ESR1: variants seen among roughly 807,000 people sequenced by gnomAD.
The protein encoded by ESR1 is estrogen receptor.
Under a neutral mutation model 52.7 loss-of-function variants are expected in ESR1, and 12 were observed. The observed-to-expected ratio is 0.23, with a 90% CI of 0.15 to 0.37. The LOEUF (loss-of-function observed/expected upper bound fraction) is 0.37, where lower values mean the gene tolerates loss of function less well. Ranked by LOEUF, ESR1 falls within the 10% of genes least tolerant of loss-of-function variation. ESR1 has a pLI of 1.00. For synonymous variants in ESR1, 305 were observed against 316.8 expected, an observed-to-expected ratio of 0.96 and a Z score of 0.39; for missense variants, 584 against 779.7, an observed-to-expected ratio of 0.75 and a Z score of 2.99.
chr6:152,067,796 C>T (rs773854550), intron 6 of ESR1, among the ~76,000 whole-genome samples: 1 of 152,146 alleles, frequency 6.6e-6, no homozygotes, highest in Non-Finnish European at 1.5e-5. Context: ...CATTGCACTC[C>T]AGCCTGGGTG....
intron 2 of ESR1, among the ~76,000 whole-genome samples, chr6:151,753,932 C>T (rs768093334): frequency 2.2e-4 from 33 of 152,204 alleles, no homozygotes; most frequent in Middle Eastern, 3.4e-3. Context: ...CCTGCTACTG[C>T]GGGAAGAAAT....
chr6:151,934,851 A>G lies in ESR1; in HGVS notation c.761-9322A>G, dbSNP rs537636836. ...CCAGCAATTACAGAATCATGATCAT[A>G]TCCATAATGGATCAGTAGAGGCTCT... On this transcript the variant is annotated intron_variant, in intron 3 of 7. Transcript: ENST00000206249. Among the ~76,000 whole-genome samples the G allele has an allele frequency of 2.0e-5, 3 of 152,236 alleles. No individual in the cohort carries two copies. The South Asian group carries it at 6.2e-4, about 31-fold the overall frequency.
At position 152,098,247 on chromosome 6, in the gene ESR1, T is replaced by G. The variant is rs2050785023; in HGVS notation, c.1554-485T>G. On this transcript the variant is annotated intron_variant, in intron 7 of 7. Coordinates refer to ENST00000206249, the MANE Select transcript of ESR1 (RefSeq NM_000125.4). The surrounding 1 kb of genome is among the most constrained non-coding windows in gnomAD (Gnocchi z 5.1). ...ATGGAAAGGCATTTAGATCGTATTC[T>G]GAGTTAAATGGGAAGTGACGTGAGA... Among the ~76,000 whole-genome samples the G allele has an allele frequency of 6.6e-6, 1 of 152,166 alleles. No individual in the cohort carries two copies. Among genetic ancestry groups the G allele is most frequent in the African/African-American group, 2.4e-5 (1 of 41,432 alleles).
chr6:151,735,343 T>C (rs1782565394), intron 2 of ESR1, among the ~76,000 whole-genome samples: 1 of 152,212 alleles, frequency 6.6e-6, no homozygotes, highest in Non-Finnish European at 1.5e-5. Context: ...TCCTGATCAC[T>C]AGTCTCCCAC....
At chr6:152,068,902 T>C (rs2128981445) in intron 6 of ESR1, among the ~76,000 whole-genome samples, 1 of 139,740 alleles carries the variant, frequency 7.2e-6, no homozygotes, top group South Asian at 2.2e-4. Flanking sequence ...ATGGACTGGG[T>C]TGGGTAGGAG....
rs2128157202 is a variant in ESR1 at position 151,808,350 on chromosome 6, G to A, written c.438G>A (p.Pro146=). 3.5e-6 allele frequency: 5 copies of A among 1,442,328 alleles called. No homozygotes were observed. The highest frequency in any genetic ancestry group is 3.7e-6 in the Non-Finnish European group (4 of 1,093,460). 89.3% of individuals were successfully genotyped at this position (1,442,328 alleles called of 1,614,324 possible). Residue 146 remains proline, a synonymous_variant, in exon 1 of 8, where the codon CCG becomes CCA. Coordinates refer to ENST00000206249, the MANE Select transcript of ESR1 (RefSeq NM_000125.4). The stretch of plus-strand genomic sequence containing the variant: ...GCTACACGGTGCGCGAGGCCGGCCC[G>A]CCGGCATTCTACAGGTACCCGCGCC... ...PSGYTVREAG[P]PAFYRPNSDN...
Position 151,995,653 on chromosome 6 carries a change from T to C in ESR1, c.1097-16003T>C, listed in dbSNP as rs185889166. 6.6e-5 allele frequency among the ~76,000 whole-genome samples: 10 copies of C among 152,344 alleles called. No individual in the cohort carries two copies. In the East Asian group the frequency reaches 1.7e-3, roughly 26 times the overall value. ...AAGATACAAATCATTTGAATTATCA[T>C]TATTATTGTTACTTGATTTTATTTA... is the stretch of plus-strand genomic sequence containing the variant. On this transcript the variant is annotated intron_variant, in intron 4 of 7. Coordinates refer to ENST00000206249, the MANE Select transcript of ESR1 (RefSeq NM_000125.4).
chr6:151,870,058 A>G (rs1790683078), intron 2 of ESR1, among the ~76,000 whole-genome samples: 1 of 152,200 alleles, frequency 6.6e-6, no homozygotes, highest in South Asian at 2.1e-4. Flanking sequence ...TCTTTGGCTC[A>G]TTGCATTGGC....
intron 4 of ESR1, among the ~76,000 whole-genome samples, chr6:152,008,379 C>G (rs1209106814): frequency 6.6e-6 from 1 of 152,062 alleles, no homozygotes; most frequent in Non-Finnish European, 1.5e-5. Flanking sequence ...ACGGAAGGAT[C>G]GAGCAATCCG....
chr6:151,749,685 C>T (rs2128074650), intron 2 of ESR1, among the ~76,000 whole-genome samples: 1 of 152,062 alleles, frequency 6.6e-6, no homozygotes, highest in East Asian at 1.9e-4. Context: ...CTGGGTGACC[C>T]TGTGCCTCCA....
At chr6:152,057,738 G>C (rs959935662) in intron 5 of ESR1, among the ~76,000 whole-genome samples, 13 of 150,172 alleles carry the variant, frequency 8.7e-5, no homozygotes, top group African/African-American at 3.2e-4. Context: ...CGTGAGAACT[G>C]AATTGAGAGT....
intron 1 of ESR1, among the ~76,000 whole-genome samples, chr6:151,701,167 T>C (rs1779747856): frequency 6.6e-6 from 1 of 152,086 alleles, no homozygotes; most frequent in Non-Finnish European, 1.5e-5. Context: ...CAGCAGGTTT[T>C]GTTCTGCTGC....
At chr6:151,919,473 A>G (rs1023287013) in intron 3 of ESR1, among the ~76,000 whole-genome samples, 3 of 152,194 alleles carry the variant, frequency 2.0e-5, no homozygotes, top group African/African-American at 7.2e-5. Context: ...AGAACTTTTC[A>G]GAGGTGGTAG....
intron 2 of ESR1, among the ~76,000 whole-genome samples, chr6:151,756,761 G>A (rs1230558195): frequency 1.3e-5 from 2 of 152,082 alleles, no homozygotes; most frequent in East Asian, 1.9e-4. Context: ...AGGCCGAGGC[G>A]GGCAGATCAC....
At chr6:152,096,579 T>C in intron 7 of ESR1, 1 of 451,614 alleles carries the variant, frequency 2.2e-6, no homozygotes, top group Non-Finnish European at 4.5e-6. Flanking sequence ...GATGAACAAA[T>C]GGCTCATGGC....
chr6:151,735,603 G>A (rs9479102), intron 2 of ESR1, among the ~76,000 whole-genome samples: 11,349 of 151,916 alleles, frequency 0.075, 1,436 homozygotes, highest in African/African-American at 0.26. Context: ...GGGTACAAGT[G>A]GCTTTTGGTT....
intron 1 of ESR1, among the ~76,000 whole-genome samples, chr6:151,834,607 G>A (rs1782990074): frequency 6.6e-6 from 1 of 152,110 alleles, no homozygotes; most frequent in Non-Finnish European, 1.5e-5. Context: ...TAGATGACGG[G>A]CTGATGGGTG....
rs1184126034 is a variant in ESR1 at position 151,673,854 on chromosome 6, G to GT, written n.73+17093dup. 5.3e-5 allele frequency among the ~76,000 whole-genome samples: 8 copies of GT among 151,958 alleles called. 1 individual carries two copies. Among genetic ancestry groups the GT allele is most frequent in the South Asian group, 4.1e-4 (2 of 4,820 alleles). ...CCATGATTATGGCATTGTACTCCAG[G>GT]TTGGAGTACAAACTTTCAGCTTGTC... On this transcript the variant is annotated intron_variant and non_coding_transcript_variant, in intron 1 of 2. Transcript: ENST00000473497.
chr6:152,095,427 G>A (rs1445466062), intron 7 of ESR1, among the ~76,000 whole-genome samples: 1 of 152,112 alleles, frequency 6.6e-6, no homozygotes, highest in Non-Finnish European at 1.5e-5. Flanking sequence ...CACACATCTG[G>A]GAGGCAGCTG....
Sources: allele counts gnomAD v4.1 joint callset (sites outside exome capture counted in the v4.1 genomes callset), GRCh38; gene constraint gnomAD v4.1.1; non-coding constraint Gnocchi (gnomAD v3.1); transcripts MANE v1.5; gene names NCBI Gene and HGNC (gene_info 2026-07-23, HGNC 2026-07-21).